LMX1A: variants seen among roughly 807,000 people sequenced by gnomAD.
The protein encoded by LMX1A is LIM homeobox transcription factor 1 alpha.
Under a neutral mutation model 49.1 loss-of-function variants are expected in LMX1A, and 15 were observed. The observed-to-expected ratio is 0.31, with a 90% confidence interval of 0.20 to 0.47. LMX1A has a LOEUF of 0.47. Ranked by LOEUF, LMX1A falls within the 20% of genes least tolerant of loss-of-function variation. The pLI, the probability that LMX1A is intolerant of heterozygous loss-of-function variation, is 1.00. For synonymous variants in LMX1A, 167 were observed against 185.7 expected, an observed-to-expected ratio of 0.90 and a Z score of 0.82; for missense variants, 372 against 475.8, an observed-to-expected ratio of 0.78 and a Z score of 2.03.
rs539004077 is a variant in LMX1A, at chr1:165,302,253, C to T, written c.263+50823G>A. Among the ~76,000 whole-genome samples, 4 of 151,832 alleles carry T rather than the reference C, an allele frequency of 2.6e-5. No individual in the cohort carries two copies. The East Asian group carries it at 7.8e-4, about 30-fold the overall frequency. On this transcript the variant is annotated intron_variant, in intron 3 of 8. Transcript: ENST00000342310. Reference sequence around the variant, plus strand: ...GAGGTCAGGAGTTCAAGACCAGCCTCGCCAACATGGAGAAACCCCATCTCT... The same window carrying T: ...GAGGTCAGGAGTTCAAGACCAGCCTTGCCAACATGGAGAAACCCCATCTCT...
At chr1:165,326,308 T>C (rs1655578811) in intron 3 of LMX1A, among the ~76,000 whole-genome samples, 1 of 152,216 alleles carries the variant, frequency 6.6e-6, no homozygotes, top group Non-Finnish European at 1.5e-5. Flanking sequence ...AGTACTTCCC[T>C]GCACCCTCTA....
At chr1:165,266,331 A>G (rs1219912826) in intron 3 of LMX1A, among the ~76,000 whole-genome samples, 1 of 152,196 alleles carries the variant, frequency 6.6e-6, no homozygotes, top group Non-Finnish European at 1.5e-5. Context: ...GGCAGAGAAA[A>G]TAGCAGGAGC....
intron 3 of LMX1A, among the ~76,000 whole-genome samples, chr1:165,277,665 G>C (rs563550351): frequency 6.6e-6 from 1 of 152,198 alleles, no homozygotes; most frequent in Non-Finnish European, 1.5e-5. Context: ...TGCTCTGTCA[G>C]TGCTGGCCAC....
At chr1:165,350,173 C>CAAAAAAAA (rs60150264) in intron 3 of LMX1A, among the ~76,000 whole-genome samples, 6 of 80,214 alleles carry the variant, frequency 7.5e-5, no homozygotes, top group Admixed American at 1.4e-4. Flanking sequence ...AAAGATCCAC[C>CAAAAAAAA]AAAAAAAAAA....
chr1:165,262,861 T>C (rs1653486926), intron 3 of LMX1A, among the ~76,000 whole-genome samples: 2 of 152,172 alleles, frequency 1.3e-5, no homozygotes, highest in Admixed American at 1.3e-4. Context: ...CTATCTCCAG[T>C]TCCTTTCTTT....
intron 4 of LMX1A, among the ~76,000 whole-genome samples, chr1:165,244,432 G>A (rs1363675352): frequency 6.6e-6 from 1 of 152,118 alleles, no homozygotes; most frequent in Non-Finnish European, 1.5e-5. Context: ...GGTGGGGTCT[G>A]GCAGTCTTGT....
At chr1:165,353,006 A>G in intron 3 of LMX1A, 70 bp downstream of exon 3, 1 of 1,472,770 alleles carries the variant, frequency 6.8e-7, no homozygotes, top group Non-Finnish European at 9.4e-7. Flanking sequence ...ACTAGGGTAA[A>G]GGAGGACAAA....
intron 3 of LMX1A, among the ~76,000 whole-genome samples, chr1:165,277,942 T>G (rs1255062043): frequency 6.6e-6 from 1 of 152,232 alleles, no homozygotes; most frequent in African/African-American, 2.4e-5. Flanking sequence ...TGTTTTTATG[T>G]GAACTTTTGA....
chr1:165,251,231 T>A (rs190794170), intron 3 of LMX1A, among the ~76,000 whole-genome samples: 21 of 152,070 alleles, frequency 1.4e-4, no homozygotes, highest in Non-Finnish European at 3.1e-4. Flanking sequence ...TAAAGGTGCA[T>A]GTCACCATGC....
At chr1:165,307,690 A>T (rs1004751097) in intron 3 of LMX1A, among the ~76,000 whole-genome samples, 2 of 152,124 alleles carry the variant, frequency 1.3e-5, no homozygotes, top group African/African-American at 4.8e-5. Flanking sequence ...ACTAACCCCT[A>T]CCCACGTCAG....
chr1:165,304,645 A>G (rs1435109032), intron 3 of LMX1A, among the ~76,000 whole-genome samples: 1 of 147,806 alleles, frequency 6.8e-6, no homozygotes, highest in Non-Finnish European at 1.5e-5. Context: ...AAGCTTTTCA[A>G]AGATCCCTAA....
intron 3 of LMX1A, among the ~76,000 whole-genome samples, chr1:165,277,737 A>T (rs1410641506): frequency 6.6e-6 from 1 of 152,110 alleles, no homozygotes; most frequent in African/African-American, 2.4e-5. Flanking sequence ...TCCACACAGC[A>T]CCTAAAATGC....
At chr1:165,239,637 C>A (rs771775002) in intron 4 of LMX1A, among the ~76,000 whole-genome samples, 8 of 152,192 alleles carry the variant, frequency 5.3e-5, no homozygotes, top group Admixed American at 2.0e-4. Context: ...TGAAAACAAT[C>A]TGAAAGGCTC....
intron 3 of LMX1A, among the ~76,000 whole-genome samples, chr1:165,318,940 G>A (rs1478827746): frequency 6.7e-6 from 1 of 149,596 alleles, no homozygotes; most frequent in Non-Finnish European, 1.5e-5. Flanking sequence ...GGGTTAATTA[G>A]GTTTTCTGTT....
chr1:165,338,431 GGA>G (rs1356574092), intron 3 of LMX1A, among the ~76,000 whole-genome samples: 1 of 152,200 alleles, frequency 6.6e-6, no homozygotes, highest in Non-Finnish European at 1.5e-5. Flanking sequence ...GGCCGGTGAT[GGA>G]GAGCATTTAC....
intron 2 of LMX1A, among the ~76,000 whole-genome samples, chr1:165,353,529 C>T (rs1236291693): frequency 2.0e-5 from 3 of 152,164 alleles, no homozygotes; most frequent in African/African-American, 7.2e-5. Context: ...AACAAACATA[C>T]CCAGGTATGC....
At chr1:165,248,023 T>C (rs1445166330) in intron 4 of LMX1A, among the ~76,000 whole-genome samples, 4 of 152,226 alleles carry the variant, frequency 2.6e-5, no homozygotes, top group Admixed American at 2.6e-4. Flanking sequence ...AAATAAGACA[T>C]ACACTGTCCT....
chr1:165,322,561 A>C (rs1035966175), intron 3 of LMX1A, among the ~76,000 whole-genome samples: 1 of 152,194 alleles, frequency 6.6e-6, no homozygotes, highest in Non-Finnish European at 1.5e-5. Context: ...ATGCTAAGTG[A>C]GAGAAGCCAG....
At chr1:165,223,208 A>G (rs972016763) in intron 4 of LMX1A, among the ~76,000 whole-genome samples, 1 of 152,228 alleles carries the variant, frequency 6.6e-6, no homozygotes, top group African/African-American at 2.4e-5. Flanking sequence ...CCCTGATAGG[A>G]CTGTTATGAA....
Sources: gnomAD v4.1 joint callset for allele counts (sites outside exome capture counted in the v4.1 genomes callset) on GRCh38, gnomAD v4.1.1 for gene constraint, MANE v1.5 for transcripts, NCBI Gene and HGNC (gene_info 2026-07-23, HGNC 2026-07-21) for gene names.